Variants in HMCES observed in about 807,000 individuals in gnomAD.
The protein encoded by HMCES is 5-hydroxymethylcytosine binding, ES cell specific, also known as abasic site processing protein HMCES.
In HMCES, 27 loss-of-function variants were observed where a neutral mutation model predicts 35.1. That is an observed-to-expected ratio of 0.77 (90% CI 0.57 to 1.06). The LOEUF is 1.06. Ranked by LOEUF, HMCES falls within the 50% of genes least tolerant of loss-of-function variation. HMCES has a pLI of 0.00. For missense variants in HMCES, 391 were observed against 430.4 expected (o/e 0.91, Z 0.81); for synonymous variants, 130 against 154.7 (o/e 0.84, Z 1.18).
chr3:129,290,701 G>A lies in HMCES; in HGVS notation c.350G>A (p.Arg117His), dbSNP rs1476722510. The A allele has an allele frequency of 5.6e-6, 9 of 1,613,230 alleles. No individual in the cohort carries two copies. The highest frequency in any genetic ancestry group is 1.3e-5 in the African/African-American group (1 of 74,870). ...SFKVPLGKGRRCVVLADGFYE... is the reference protein window; with the variant it reads ...SFKVPLGKGRHCVVLADGFYE... Reference sequence around the variant, plus strand: ...CAGGTGCCTCTGGGAAAGGGAAGACGCTGTGTCGTTTTAGCAGATGGATTC... The same window carrying A: ...CAGGTGCCTCTGGGAAAGGGAAGACACTGTGTCGTTTTAGCAGATGGATTC... Residue 117 changes from arginine (R) to histidine (H), a missense_variant, in exon 4 of 7, where the codon CGC (arginine) becomes CAC (histidine). Transcript: ENST00000383463.
chr3:129,284,873 C>T (rs1940593323), intron 2 of HMCES, among the ~76,000 whole-genome samples: 4 of 152,200 alleles, frequency 2.6e-5, no homozygotes, highest in Admixed American at 2.6e-4. Context: ...GATCGTGCCA[C>T]TGCACTCCAG....
intron 2 of HMCES, among the ~76,000 whole-genome samples, chr3:129,282,390 T>C (rs1361747535): frequency 6.6e-6 from 1 of 151,830 alleles, no homozygotes; most frequent in Non-Finnish European, 1.5e-5. Context: ...GATGTAAAGA[T>C]AGAAGTATAC....
At chr3:129,297,784 C>T (rs978277704) in intron 4 of HMCES, among the ~76,000 whole-genome samples, 4 of 152,136 alleles carry the variant, frequency 2.6e-5, no homozygotes, top group African/African-American at 7.2e-5. Context: ...TCTTAAATTT[C>T]AGGGAAATTG....
In HMCES at chr3:129,279,999, T is replaced by C. The variant is rs1303001428; in HGVS notation, c.183+84T>C. On this transcript the variant is annotated intron_variant, in intron 2 of 6. Transcript: ENST00000383463. This position sits in a 1 kb window ranked among gnomAD's most constrained non-coding sequence, Gnocchi z 4.2. ...TTGGTTTGGTGTGTGCTCAGCCTCT[T>C]GGGATGACATTAAAAACCAGCCTTT... The C allele has an allele frequency of 3.5e-5, 42 of 1,210,686 alleles. No homozygotes were observed. Among genetic ancestry groups the C allele is most frequent in the Non-Finnish European group, 4.7e-5 (42 of 886,482 alleles). The allele number at this position is 1,210,686 out of a possible 1,614,324, so 75.0% of individuals were successfully genotyped here.
chr3:129,298,567 A>G (rs1243182320), intron 5 of HMCES, 32 bp downstream of exon 5: 1 of 1,576,774 alleles, frequency 6.3e-7, no homozygotes, highest in Non-Finnish European at 8.7e-7. Context: ...TGGATCCAAA[A>G]GGATCCAAAA....
chr3:129,282,432 C>T (rs1468727255), intron 2 of HMCES, among the ~76,000 whole-genome samples: 1 of 151,970 alleles, frequency 6.6e-6, no homozygotes, highest in African/African-American at 2.4e-5. Flanking sequence ...GTTACCTAAT[C>T]AGTGAGGGAC....
chr3:129,296,292 C>T (rs1472665875), intron 4 of HMCES, among the ~76,000 whole-genome samples: 3 of 152,150 alleles, frequency 2.0e-5, no homozygotes, highest in African/African-American at 4.8e-5. Context: ...AACGCCTGAC[C>T]TCAAGTGATC....
intron 3 of HMCES, among the ~76,000 whole-genome samples, chr3:129,289,553 T>A (rs1027132906): frequency 2.0e-5 from 3 of 152,136 alleles, no homozygotes; most frequent in African/African-American, 4.8e-5. Context: ...TTTTTTTTTT[T>A]AAATAGAGAC....
chr3:129,296,139 C>T (rs1171036327), intron 4 of HMCES, among the ~76,000 whole-genome samples: 1 of 152,166 alleles, frequency 6.6e-6, no homozygotes, highest in African/African-American at 2.4e-5. Flanking sequence ...TGGCTCACTG[C>T]AACCCCTACT....
intron 4 of HMCES, among the ~76,000 whole-genome samples, chr3:129,296,327 T>G (rs1576990101): frequency 6.6e-6 from 1 of 152,120 alleles, no homozygotes; most frequent in South Asian, 2.1e-4. Context: ...TCCCAGAGTA[T>G]TGGGATTACA....
Position 129,288,973 on chromosome 3 carries a change from C to T in HMCES, c.303C>T (p.Thr101=), listed in dbSNP as rs139766481. 39 of 1,573,200 alleles carry T rather than the reference C, an allele frequency of 2.5e-5. No individual in the cohort carries two copies. In the Middle Eastern group the frequency reaches 6.8e-4, roughly 27 times the overall value. ...QFNTTNCRSD[T]VMEKRSFKVP... ...ATACTACCAACTGTCGTAGTGATACCGTAATGGAGAAACGGTCATTTAAGG... is the reference window on the plus strand; with the variant it reads ...ATACTACCAACTGTCGTAGTGATACTGTAATGGAGAAACGGTCATTTAAGG... The change falls in exon 3 of 7, where the codon ACC becomes ACT. Residue 101 remains threonine, a synonymous_variant. Transcript: ENST00000383463.
At chr3:129,292,574 C>T (rs903885015) in intron 4 of HMCES, among the ~76,000 whole-genome samples, 1 of 150,120 alleles carries the variant, frequency 6.7e-6, no homozygotes, top group Admixed American at 6.6e-5. Context: ...CTCACTGCAG[C>T]CTCTGCCTCT....
Position 129,279,821 on chromosome 3 carries a change from C to G in HMCES, c.89C>G (p.Pro30Arg). 12 of 1,613,602 alleles carry G rather than the reference C, an allele frequency of 7.4e-6. No individual in the cohort carries two copies. The highest frequency in any genetic ancestry group is 9.3e-6 in the Non-Finnish European group (11 of 1,179,852). ...YQDRRGQQRLPEWRDPDKYCP... is the reference protein window; with the variant it reads ...YQDRRGQQRLREWRDPDKYCP... ...GATCGGCGGGGCCAGCAGCGGCTCCCGGAGTGGAGGGACCCTGATAAGTAC... is the reference window on the plus strand; with the variant it reads ...GATCGGCGGGGCCAGCAGCGGCTCCGGGAGTGGAGGGACCCTGATAAGTAC... The change falls in exon 2 of 7, where the codon CCG becomes CGG. Residue 30 changes from proline (P) to arginine (R), a missense_variant. Physicochemically the swap from Pro to Arg is moderately radical, Grantham distance 103 (BLOSUM62 -2). Transcript: ENST00000383463. The surrounding 1 kb of genome is among the most constrained non-coding windows in gnomAD (Gnocchi z 4.2).
intron 6 of HMCES, among the ~76,000 whole-genome samples, chr3:129,303,591 G>A (rs1463619696): frequency 6.6e-6 from 1 of 152,156 alleles, no homozygotes; most frequent in Non-Finnish European, 1.5e-5. Context: ...AATCTGAAAT[G>A]TACCAACAAG....
At chr3:129,295,699 A>G (rs1206401216) in intron 4 of HMCES, among the ~76,000 whole-genome samples, 2 of 152,130 alleles carry the variant, frequency 1.3e-5, no homozygotes, top group East Asian at 1.9e-4. Flanking sequence ...AGTCTAGTGT[A>G]TAACTGTCTT....
chr3:129,294,850 ATTTC>A (rs1266926389), intron 4 of HMCES, among the ~76,000 whole-genome samples: 1 of 151,776 alleles, frequency 6.6e-6, no homozygotes, highest in East Asian at 1.9e-4. Context: ...AAAAGTATCT[ATTTC>A]TTTATTTTAA....
chr3:129,289,666 C>T (rs180921646), intron 3 of HMCES, among the ~76,000 whole-genome samples: 36 of 152,108 alleles, frequency 2.4e-4, no homozygotes, highest in African/African-American at 7.2e-4. Context: ...TGAGCTATCA[C>T]GCCCGGCCTA....
chr3:129,298,927 G>A (rs1285610367), intron 5 of HMCES, among the ~76,000 whole-genome samples: 3 of 152,124 alleles, frequency 2.0e-5, no homozygotes, highest in East Asian at 1.9e-4. Context: ...GGTGGATCAC[G>A]AGGTCAGGAG....
At chr3:129,292,515 CAG>C (rs1373859916) in intron 4 of HMCES, among the ~76,000 whole-genome samples, 1 of 139,188 alleles carries the variant, frequency 7.2e-6, no homozygotes, top group East Asian at 2.3e-4. Context: ...TTTTTTGAGA[CAG>C]AGTCTCTCTC....
Sources: allele counts gnomAD v4.1 joint callset (sites outside exome capture counted in the v4.1 genomes callset), GRCh38; gene constraint gnomAD v4.1.1; non-coding constraint Gnocchi (gnomAD v3.1); transcripts MANE v1.5; gene names NCBI Gene and HGNC (gene_info 2026-07-23, HGNC 2026-07-21).